The following ASIC2 variants were observed in gnomAD, a reference collection of about 807,000 sequenced individuals.
The protein encoded by ASIC2 is acid sensing ion channel subunit 2, also known as acid-sensing ion channel 2.
ASIC2 carries 25 observed loss-of-function variants against 57.3 expected under a neutral mutation model. That is an observed-to-expected ratio of 0.44 (90% CI 0.32 to 0.61). The LOEUF is 0.61. Ranked by LOEUF, ASIC2 falls within the 20% of genes least tolerant of loss-of-function variation. ASIC2 has a pLI of 0.06. For synonymous variants in ASIC2, 319 were observed against 307.5 expected, an observed-to-expected ratio of 1.04 and a Z score of -0.39; for missense variants, 641 against 738.1, an observed-to-expected ratio of 0.87 and a Z score of 1.52.
chr17:33,766,035 T>C (rs903199784), intron 1 of ASIC2, among the ~76,000 whole-genome samples: 1 of 152,206 alleles, frequency 6.6e-6, no homozygotes, highest in African/African-American at 2.4e-5. Flanking sequence ...CCATTGCAGG[T>C]GGCTTAGCAT....
intron 1 of ASIC2, among the ~76,000 whole-genome samples, chr17:33,198,956 G>T (rs889555041): frequency 2.6e-5 from 4 of 152,142 alleles, no homozygotes; most frequent in Non-Finnish European, 5.9e-5. Flanking sequence ...TTGCTCTTTT[G>T]ATTTAACCTT....
At position 33,726,406 on chromosome 17, in the gene ASIC2, A is replaced by G. The variant is rs572295888; in HGVS notation, c.555+429572T>C. On this transcript the variant is annotated intron_variant, in intron 1 of 9. Transcript: ENST00000359872. ...AAATGATAGCTGTTTTAATGCAGCA[A>G]TAGAGAACTGAAGCAGGTAGTTTGT... Among the ~76,000 whole-genome samples, 7 of 152,356 alleles carry G rather than the reference A, an allele frequency of 4.6e-5. 1 individual carries two copies. The South Asian group carries it at 1.0e-3, about 23-fold the overall frequency.
chr17:33,102,550 C>T (rs2141978461), intron 2 of ASIC2, among the ~76,000 whole-genome samples: 1 of 152,182 alleles, frequency 6.6e-6, no homozygotes, highest in South Asian at 2.1e-4. Flanking sequence ...TATATTAGTC[C>T]TTTGACAGTG....
intron 2 of ASIC2, among the ~76,000 whole-genome samples, chr17:33,100,848 C>T (rs2092209404): frequency 1.3e-5 from 2 of 152,230 alleles, no homozygotes; most frequent in South Asian, 4.1e-4. Flanking sequence ...ACCCTTGCAC[C>T]AGCTGGGAGT....
intron 1 of ASIC2, among the ~76,000 whole-genome samples, chr17:33,637,853 CAAA>C (rs1196603807): frequency 6.6e-6 from 1 of 152,146 alleles, no homozygotes; most frequent in Non-Finnish European, 1.5e-5. Flanking sequence ...AGTTATCACT[CAAA>C]TAAGTCTCCC....
rs183094503 is a variant in ASIC2 at position 33,047,026 on chromosome 17, C to T, written c.988-18634G>A. Among the ~76,000 whole-genome samples the T allele has an allele frequency of 3.6e-3, 551 of 152,376 alleles. 2 individuals are homozygous for T. The highest frequency in any genetic ancestry group is 6.2e-3 in the Non-Finnish European group (419 of 68,036). ...CCGCATGATTAAGGCTCTGCTGCAT[C>T]CCTCAGCGCCTGAGATGGCCTCGCA... On this transcript the variant is annotated intron_variant, in intron 3 of 9. Transcript: ENST00000225823.
At chr17:33,080,016 CGAG>C (rs1393839160) in intron 3 of ASIC2, among the ~76,000 whole-genome samples, 1 of 152,046 alleles carries the variant, frequency 6.6e-6, no homozygotes, top group East Asian at 1.9e-4. Context: ...GGACTCTAAG[CGAG>C]GAGTTCAGCA....
At chr17:33,519,234 G>A (rs1177378705) in intron 1 of ASIC2, among the ~76,000 whole-genome samples, 2 of 152,220 alleles carry the variant, frequency 1.3e-5, no homozygotes, top group African/African-American at 4.8e-5. Flanking sequence ...AACTCATGGA[G>A]GGAGGCCATA....
intron 1 of ASIC2, among the ~76,000 whole-genome samples, chr17:33,527,739 T>G (rs1455758632): frequency 6.6e-6 from 1 of 152,046 alleles, no homozygotes; most frequent in East Asian, 1.9e-4. Context: ...TAAAATGAAG[T>G]ACATCTGTTA....
chr17:33,171,431 A>C (rs1286807320), intron 1 of ASIC2, among the ~76,000 whole-genome samples: 6 of 152,228 alleles, frequency 3.9e-5, no homozygotes. Context: ...ATCCAGTTGC[A>C]CAAGTGTTGT....
intron 1 of ASIC2, among the ~76,000 whole-genome samples, chr17:33,217,255 T>A (rs189684876): frequency 6.9e-4 from 105 of 152,250 alleles, no homozygotes; most frequent in African/African-American, 2.4e-3. Context: ...GGGTGGCAAG[T>A]GAGAGAGCTA....
chr17:33,330,100 A>G lies in ASIC2; in HGVS notation c.556-218033T>C, dbSNP rs146016456. Reference sequence around the variant, plus strand: ...GTGTTTGTATGCATTTATTTTTAATATATGAAGGGTAGTGATGGTGGGATC... The same window carrying G: ...GTGTTTGTATGCATTTATTTTTAATGTATGAAGGGTAGTGATGGTGGGATC... On this transcript the variant is annotated intron_variant, in intron 1 of 9. Coordinates refer to the ASIC2 transcript ENST00000359872. Among the ~76,000 whole-genome samples the G allele has an allele frequency of 5.0e-3, 755 of 152,260 alleles. 3 individuals are homozygous for G. The highest frequency in any genetic ancestry group is 8.6e-3 in the Non-Finnish European group (588 of 68,024).
In ASIC2 at chr17:34,039,558, T is replaced by C. The variant is rs896330368; in HGVS notation, c.555+116420A>G. ...GTTGCAGTGAGGATCGTGCAACTGG[T>C]GGAACACTTCTGCCAGGGCTGGTTC... On this transcript the variant is annotated intron_variant, in intron 1 of 9. Transcript: ENST00000359872. 3.1e-6 allele frequency: 5 copies of C among 1,613,810 alleles called. No homozygotes were observed. The African/African-American group carries it at 6.7e-5, about 22-fold the overall frequency.
chr17:33,364,493 TGATTG>T (rs1228030611), intron 1 of ASIC2, among the ~76,000 whole-genome samples: 31 of 152,252 alleles, frequency 2.0e-4, no homozygotes, highest in Admixed American at 1.9e-3. Flanking sequence ...TGGTGAGAGG[TGATTG>T]GATCCTGGGG....
intron 1 of ASIC2, among the ~76,000 whole-genome samples, chr17:33,285,799 A>C (rs905350980): frequency 5.9e-5 from 9 of 152,224 alleles, no homozygotes; most frequent in Non-Finnish European, 1.0e-4. Flanking sequence ...TATAAAATGT[A>C]GATTTTCACA....
chr17:33,023,905 G>A lies in ASIC2; in HGVS notation c.1305C>T (p.Ala435=). The A allele has an allele frequency of 6.2e-7, 1 of 1,614,202 alleles. No individual in the cohort carries two copies. Among genetic ancestry groups the A allele is most frequent in the Non-Finnish European group, 8.5e-7 (1 of 1,180,040 alleles). ...TGTTAAATTTCTTCTCAAGGTACTT[G>A]GCTGATGTCTTGCTGGGGATCTTCA... ...SMVKIPSKTS[A]KYLEKKFNKS... Residue 435 remains alanine (A), a synonymous_variant, in exon 6 of 10, where the codon GCC becomes GCT. Transcript: ENST00000225823.
intron 1 of ASIC2, among the ~76,000 whole-genome samples, chr17:33,760,427 C>T (rs1363130344): frequency 6.6e-6 from 1 of 151,904 alleles, no homozygotes; most frequent in Admixed American, 6.6e-5. Flanking sequence ...CAGACCTATA[C>T]AAATCATAGC....
At chr17:33,795,397 C>T (rs745529748) in intron 1 of ASIC2, among the ~76,000 whole-genome samples, 8 of 152,264 alleles carry the variant, frequency 5.3e-5, no homozygotes, top group African/African-American at 1.7e-4. Context: ...CTCTTTGCCC[C>T]ATCCTTTTTG....
In ASIC2 at chr17:33,699,465, T is replaced by C. The variant is rs74891746; in HGVS notation, c.555+456513A>G. Among the ~76,000 whole-genome samples, 311 of 152,330 alleles carry C rather than the reference T, an allele frequency of 2.0e-3. 1 individual carries two copies. Among genetic ancestry groups the C allele is most frequent in the African/African-American group, 7.0e-3 (290 of 41,588 alleles). On this transcript the variant is annotated intron_variant, in intron 1 of 9. Transcript: ENST00000359872. ...CTTTGGGAATCCATTAGTGTGGGAT[T>C]TGATGCATTTCCTAGGAAAGCAAAC...
Sources: allele counts gnomAD v4.1 joint callset (sites outside exome capture counted in the v4.1 genomes callset), GRCh38; gene constraint gnomAD v4.1.1; transcripts MANE v1.5; gene names NCBI Gene and HGNC (gene_info 2026-07-23, HGNC 2026-07-21).